Variants in PABPC4L observed in about 807,000 individuals in gnomAD.
PABPC4L encodes polyadenylate-binding protein 4-like.
For synonymous variants in PABPC4L, 169 were observed against 164.1 expected (o/e 1.03, Z -0.23); for missense variants, 452 against 451.4 (o/e 1.00, Z -0.01).
chr4:134,017,689 C>G, the PABPC4L span, among the ~76,000 whole-genome samples: 2 of 152,128 alleles, frequency 1.3e-5, no homozygotes, highest in Non-Finnish European at 2.9e-5. Flanking sequence ...TTCTCTTATT[C>G]CGTTTAGTTT....
At chr4:134,183,995 A>G in the PABPC4L span, among the ~76,000 whole-genome samples, 2 of 151,778 alleles carry the variant, frequency 1.3e-5, no homozygotes, top group Non-Finnish European at 2.9e-5. Context: ...TGATTTCATC[A>G]TATCTATGGA....
chr4:133,999,760 G>T, the PABPC4L span, among the ~76,000 whole-genome samples: 601 of 152,022 alleles, frequency 4.0e-3, 6 homozygotes, highest in African/African-American at 0.014. Flanking sequence ...AAAGATATTT[G>T]GTCGTTTGAG....
At chr4:134,088,115 C>T in the PABPC4L span, among the ~76,000 whole-genome samples, 1 of 151,994 alleles carries the variant, frequency 6.6e-6, no homozygotes, top group African/African-American at 2.4e-5. Context: ...CACCGATCTC[C>T]CCTTCTGTCT....
chr4:134,086,024 C>T, the PABPC4L span, among the ~76,000 whole-genome samples: 1 of 152,094 alleles, frequency 6.6e-6, no homozygotes, highest in African/African-American at 2.4e-5. Context: ...GTAATCACTT[C>T]TAACAATAGT....
chr4:134,201,197 A>G lies in PABPC4L; in HGVS notation c.-178T>C. 1.3e-6 allele frequency: 2 copies of G among 1,545,978 alleles called. No homozygotes were observed. Among genetic ancestry groups the G allele is most frequent in the Non-Finnish European group, 1.7e-6 (2 of 1,144,660 alleles). The stretch of plus-strand genomic sequence containing the variant: ...CCAGCTCAGGCAACACCCTCATCCA[A>G]AAGTCCCCACAGCCACCAATCTGGC... On this transcript the variant is annotated 5_prime_UTR_variant, in exon 2 of 2. Coordinates refer to ENST00000421491, the MANE Select transcript of PABPC4L (RefSeq NM_001114734.2).
the PABPC4L span, among the ~76,000 whole-genome samples, chr4:134,131,162 A>G: frequency 6.6e-6 from 1 of 152,104 alleles, no homozygotes; most frequent in African/African-American, 2.4e-5. Context: ...CACCACTTGC[A>G]TTCAGAACAG....
chr4:133,990,931 A>G, the PABPC4L span, among the ~76,000 whole-genome samples: 1 of 152,100 alleles, frequency 6.6e-6, no homozygotes, highest in African/African-American at 2.4e-5. Flanking sequence ...CAGCCTTCCA[A>G]GAAAGTTTTC....
the PABPC4L span, among the ~76,000 whole-genome samples, chr4:133,992,375 C>A: frequency 1.3e-5 from 2 of 152,156 alleles, no homozygotes; most frequent in Non-Finnish European, 2.9e-5. Context: ...CAGTTTGAGG[C>A]TACCTTCAAC....
chr4:134,067,126 T>C, the PABPC4L span, among the ~76,000 whole-genome samples: 1 of 152,114 alleles, frequency 6.6e-6, no homozygotes, highest in Admixed American at 6.6e-5. Context: ...AGCCCTTCTT[T>C]ATGCATCTGG....
chr4:134,025,515 T>C, the PABPC4L span, among the ~76,000 whole-genome samples: 1 of 152,106 alleles, frequency 6.6e-6, no homozygotes, highest in Admixed American at 6.6e-5. Flanking sequence ...GTTTATCTAA[T>C]ACATTGAACT....
At chr4:134,013,067 C>A in the PABPC4L span, among the ~76,000 whole-genome samples, 1 of 152,030 alleles carries the variant, frequency 6.6e-6, no homozygotes, top group East Asian at 1.9e-4. Context: ...GGTCCTTCAC[C>A]CTTAGCAGCA....
the PABPC4L span, among the ~76,000 whole-genome samples, chr4:133,960,055 T>C: frequency 2.0e-5 from 3 of 152,224 alleles, no homozygotes; most frequent in South Asian, 2.1e-4. Flanking sequence ...AGGATCATCA[T>C]TGAGGACGGG....
the PABPC4L span, among the ~76,000 whole-genome samples, chr4:134,094,208 T>A: frequency 6.6e-6 from 1 of 151,912 alleles, no homozygotes; most frequent in Non-Finnish European, 1.5e-5. Context: ...GTTTCTCTAT[T>A]TTTTCATATC....
the PABPC4L span, among the ~76,000 whole-genome samples, chr4:134,019,895 G>A: frequency 6.6e-6 from 1 of 152,116 alleles, no homozygotes; most frequent in Non-Finnish European, 1.5e-5. Flanking sequence ...ACTTAAAGAT[G>A]TCATTCTAGA....
the PABPC4L span, among the ~76,000 whole-genome samples, chr4:134,097,231 C>T: frequency 1.3e-5 from 2 of 151,804 alleles, no homozygotes; most frequent in African/African-American, 4.8e-5. Flanking sequence ...AAATTAGAAT[C>T]TTAGAGACTC....
At chr4:134,086,015 T>C in the PABPC4L span, among the ~76,000 whole-genome samples, 1 of 152,158 alleles carries the variant, frequency 6.6e-6, no homozygotes. Context: ...GTAATAATTG[T>C]AATCACTTCT....
chr4:133,999,754 A>G, the PABPC4L span, among the ~76,000 whole-genome samples: 1 of 151,916 alleles, frequency 6.6e-6, no homozygotes, highest in Non-Finnish European at 1.5e-5. Context: ...AATAATAAAG[A>G]TATTTGGTCG....
the PABPC4L span, among the ~76,000 whole-genome samples, chr4:134,173,115 T>A: frequency 1.4e-5 from 2 of 143,020 alleles, no homozygotes. Flanking sequence ...GTGATGAAAA[T>A]TTAAATTAGA....
chr4:134,038,409 C>T, the PABPC4L span, among the ~76,000 whole-genome samples: 1 of 152,132 alleles, frequency 6.6e-6, no homozygotes, highest in Admixed American at 6.5e-5. Flanking sequence ...ACCAGCTCCT[C>T]TTTGTACCTC....
Sources: allele counts gnomAD v4.1 joint callset (sites outside exome capture counted in the v4.1 genomes callset), GRCh38; gene constraint gnomAD v4.1.1; transcripts MANE v1.5; gene names NCBI Gene and HGNC (gene_info 2026-07-23, HGNC 2026-07-21).